Variants in MAP2K6 observed in about 807,000 individuals in gnomAD.
MAP2K6 encodes mitogen-activated protein kinase kinase 6.
MAP2K6 carries 16 observed loss-of-function variants against 53.7 expected under a neutral mutation model. The ratio of observed to expected loss-of-function variants is 0.30; its 90% CI spans 0.20 to 0.45. The LOEUF is 0.45. Among genes scored for constraint, MAP2K6 ranks in the 20% least tolerant of loss-of-function variants. The pLI, the probability that MAP2K6 is intolerant of heterozygous loss-of-function variation, is 1.00. For synonymous variants in MAP2K6, 132 were observed against 143.1 expected (o/e 0.92, Z 0.55); for missense variants, 204 against 411.9 (o/e 0.50, Z 4.37).
rs1181002738 is a variant in MAP2K6, at chr17:69,524,876, T to C, written c.664-25T>C. 3 of 1,572,214 alleles carry C rather than the reference T, an allele frequency of 1.9e-6. No homozygotes were observed. The Admixed American group carries it at 5.0e-5, about 26-fold the overall frequency. On this transcript the variant is annotated intron_variant, in intron 8 of 11. Coordinates refer to ENST00000590474, the MANE Select transcript of MAP2K6 (RefSeq NM_002758.4). ...CGTTATCTCAATTGTCTTCCCAGTT[T>C]CTCAGTTGTCTGTCTTCTTTCCAGC...
intron 1 of MAP2K6, among the ~76,000 whole-genome samples, chr17:69,503,291 G>T (rs1031019283): frequency 6.6e-6 from 1 of 152,202 alleles, no homozygotes; most frequent in Non-Finnish European, 1.5e-5. Context: ...TTTGGCTGAG[G>T]TGCATGGATG....
At chr17:69,483,458 A>G (rs916773076) in intron 1 of MAP2K6, among the ~76,000 whole-genome samples, 8 of 152,104 alleles carry the variant, frequency 5.3e-5, no homozygotes, top group African/African-American at 1.9e-4. Context: ...AAGAAGATCT[A>G]AATAAATGCA....
intron 1 of MAP2K6, among the ~76,000 whole-genome samples, chr17:69,415,271 A>G (rs1319636927): frequency 6.6e-6 from 1 of 152,218 alleles, no homozygotes; most frequent in Non-Finnish European, 1.5e-5. Context: ...CAGGAGAGAC[A>G]GAGCAGGTTG....
chr17:69,499,934 T>A (rs1024471718), intron 1 of MAP2K6, among the ~76,000 whole-genome samples: 1 of 152,084 alleles, frequency 6.6e-6, no homozygotes, highest in African/African-American at 2.4e-5. Context: ...TGCCAGAATG[T>A]GAAAGCAGGA....
rs973607160 is a variant in MAP2K6, at chr17:69,552,274, T to C, written c.*10521T>C. ...CTACCTCTTCTTGGTACCTGAAATA[T>C]TCTGAAAGGATATCGGAGAGGTCCT... On this transcript the variant is annotated 3_prime_UTR_variant, in exon 12 of 12. Coordinates refer to ENST00000590474, the MANE Select transcript of MAP2K6 (RefSeq NM_002758.4). 2 of 152,218 alleles carry C rather than the reference T, an allele frequency of 1.3e-5. No homozygotes were observed. Among genetic ancestry groups the C allele is most frequent in the African/African-American group, 4.8e-5 (2 of 41,446 alleles). The allele number at this position is 152,218 out of a possible 1,614,324, so 9.4% of individuals were successfully genotyped here. A position where few individuals can be genotyped will look rare whatever the true frequency, so the allele number is the denominator to read the frequency against.
At chr17:69,515,282 A>G (rs1317683199) in intron 2 of MAP2K6, among the ~76,000 whole-genome samples, 1 of 151,468 alleles carries the variant, frequency 6.6e-6, no homozygotes, top group Admixed American at 6.6e-5. Context: ...TCAGCCTACC[A>G]AGTAGCTGGG....
At chr17:69,417,726 T>C (rs535573062) in intron 1 of MAP2K6, among the ~76,000 whole-genome samples, 1 of 151,246 alleles carries the variant, frequency 6.6e-6, no homozygotes, top group Non-Finnish European at 1.5e-5. Context: ...ACAGGAAAAA[T>C]GTGTCATCTA....
intron 1 of MAP2K6, 23 bp downstream of exon 1, chr17:69,415,023 T>A: frequency 1.3e-6 from 2 of 1,535,136 alleles, no homozygotes; most frequent in Non-Finnish European, 1.8e-6. Flanking sequence ...TTGCATTAGT[T>A]GCAAAAATGC....
At position 69,553,409 on chromosome 17, in the gene MAP2K6, C is replaced by G. The variant is rs1397911836; in HGVS notation, c.*11656C>G. ...TGTGGTTGTTCCACGGTTCATCTGG[C>G]TACCGTTCTGGGTCCCCTCTGACCA... On this transcript the variant is annotated 3_prime_UTR_variant, in exon 12 of 12. Coordinates refer to ENST00000590474, the MANE Select transcript of MAP2K6 (RefSeq NM_002758.4). 2.6e-5 allele frequency: 4 copies of G among 152,206 alleles called. No individual in the cohort carries two copies. In the East Asian group the frequency reaches 7.7e-4, roughly 29 times the overall value. The allele number at this position is 152,206 out of a possible 1,614,324, so 9.4% of individuals were successfully genotyped here. A position where few individuals can be genotyped will look rare whatever the true frequency, so the allele number is the denominator to read the frequency against.
chr17:69,444,999 C>A (rs1393891589), intron 1 of MAP2K6, among the ~76,000 whole-genome samples: 1 of 152,202 alleles, frequency 6.6e-6, no homozygotes, highest in Non-Finnish European at 1.5e-5. Flanking sequence ...TGGCTCACAG[C>A]AACCTCTGCC....
At chr17:69,422,417 C>G (rs1387574900) in intron 1 of MAP2K6, among the ~76,000 whole-genome samples, 4 of 152,202 alleles carry the variant, frequency 2.6e-5, no homozygotes, top group Non-Finnish European at 4.4e-5. Flanking sequence ...CAGGTATGAG[C>G]CACCACGCCT....
rs117714940 is a variant in MAP2K6, at chr17:69,491,006, T to C, written c.17-14774T>C. On this transcript the variant is annotated intron_variant, in intron 1 of 11. Transcript: ENST00000590474. ...TCTTTCTGTATTAGTTTGCTAAAGA[T>C]AATATCCTCCAGCTCCACCCATATT... Among the ~76,000 whole-genome samples, 169 of 152,334 alleles carry C rather than the reference T, an allele frequency of 1.1e-3. 3 individuals are homozygous for C. In the East Asian group the frequency reaches 0.031, roughly 28 times the overall value.
At chr17:69,472,594 G>A (rs1159693908) in intron 1 of MAP2K6, among the ~76,000 whole-genome samples, 1 of 152,132 alleles carries the variant, frequency 6.6e-6, no homozygotes, top group African/African-American at 2.4e-5. Context: ...CCCTGAGACG[G>A]GATGGCATCC....
In MAP2K6 at chr17:69,455,864, T is replaced by G. The variant is rs571361205; in HGVS notation, c.16+40864T>G. Among the ~76,000 whole-genome samples the G allele has an allele frequency of 3.5e-3, 447 of 127,044 alleles. 3 individuals carry two copies. Among genetic ancestry groups the G allele is most frequent in the South Asian group, 0.02 (73 of 3,730 alleles). 83.3% of individuals were successfully genotyped at this position (127,044 alleles called of 152,430 possible). The stretch of plus-strand genomic sequence containing the variant: ...CCTGGACTTTCAGTTTTTTTTTTTT[T>G]TTTTTTTTTTTTTAAGACAGAGTTT... On this transcript the variant is annotated intron_variant, in intron 1 of 11. Transcript: ENST00000590474.
intron 1 of MAP2K6, among the ~76,000 whole-genome samples, chr17:69,437,102 C>T (rs1248748918): frequency 3.3e-5 from 5 of 152,196 alleles, no homozygotes; most frequent in South Asian, 2.1e-4. Context: ...GCTGGGATTA[C>T]AGGCGTGAGC....
chr17:69,545,250 G>A lies in MAP2K6; in HGVS notation c.*3497G>A, dbSNP rs1011184458. 6.6e-6 allele frequency: 1 copy of A among 152,062 alleles called. No individual in the cohort carries two copies. 9.4% of individuals were successfully genotyped at this position (152,062 alleles called of 1,614,324 possible). On this transcript the variant is annotated 3_prime_UTR_variant, in exon 12 of 12. Transcript: ENST00000590474. ...ATCTCCCAAAATGACTACTTTGAAG[G>A]AGATAGAACCCCCATAAAGGTATAT...
chr17:69,538,817 A>G (rs766850357), intron 11 of MAP2K6, among the ~76,000 whole-genome samples: 19 of 152,188 alleles, frequency 1.2e-4, no homozygotes, highest in Admixed American at 2.0e-4. Context: ...GTAGCAGCCA[A>G]CGATTTCTGT....
At chr17:69,472,976 G>A (rs551406463) in intron 1 of MAP2K6, among the ~76,000 whole-genome samples, 5 of 152,292 alleles carry the variant, frequency 3.3e-5, no homozygotes, top group South Asian at 4.1e-4. Context: ...CAAAGTGCTG[G>A]GATTACAAGC....
At chr17:69,510,033 C>T (rs1012474309) in intron 2 of MAP2K6, among the ~76,000 whole-genome samples, 4 of 151,978 alleles carry the variant, frequency 2.6e-5, no homozygotes, top group Middle Eastern at 3.4e-3. Flanking sequence ...TTTGTAGAGA[C>T]GGGGTTTTGC....
Sources: gnomAD v4.1 joint callset for allele counts (sites outside exome capture counted in the v4.1 genomes callset) on GRCh38, gnomAD v4.1.1 for gene constraint, MANE v1.5 for transcripts, NCBI Gene and HGNC (gene_info 2026-07-23, HGNC 2026-07-21) for gene names.